The following VPS13B variants were observed in gnomAD, a reference collection of about 807,000 sequenced individuals.
VPS13B encodes the protein vacuolar protein sorting 13 homolog B.
A neutral mutation model predicts 426.4 loss-of-function variants in VPS13B; 285 were observed. The ratio of observed to expected loss-of-function variants is 0.67; its 90% CI spans 0.61 to 0.74. The LOEUF is 0.74. Among genes scored for constraint, VPS13B ranks in the 30% least tolerant of loss-of-function variants. VPS13B has a pLI of 0.00. For missense variants in VPS13B, 4,537 were observed against 4,782.6 expected (o/e 0.95, Z 1.51); for synonymous variants, 1,676 against 1,676.4 (o/e 1.00, Z 0.01).
At chr8:99,359,910 C>A (rs1812404242) in intron 19 of VPS13B, among the ~76,000 whole-genome samples, 1 of 152,160 alleles carries the variant, frequency 6.6e-6, no homozygotes, top group African/African-American at 2.4e-5. Flanking sequence ...TCAAATAGCT[C>A]TCCTGTCTCA....
At chr8:99,751,473 A>G (rs963745544) in intron 39 of VPS13B, among the ~76,000 whole-genome samples, 2 of 152,164 alleles carry the variant, frequency 1.3e-5, no homozygotes, top group African/African-American at 4.8e-5. Flanking sequence ...CACACTTCAA[A>G]TCACTTCTAG....
intron 39 of VPS13B, among the ~76,000 whole-genome samples, chr8:99,724,384 C>T (rs565273052): frequency 2.6e-5 from 4 of 152,250 alleles, no homozygotes; most frequent in Middle Eastern, 3.4e-3. Context: ...ATACTAGAGG[C>T]ACAGCTAAAA....
chr8:99,474,766 ACAT>A (rs1051937231), intron 24 of VPS13B, among the ~76,000 whole-genome samples: 6 of 152,168 alleles, frequency 3.9e-5, no homozygotes, highest in Non-Finnish European at 5.9e-5. Flanking sequence ...TGATGTAACA[ACAT>A]TGGAAACCCC....
intron 17 of VPS13B, among the ~76,000 whole-genome samples, chr8:99,269,775 C>A (rs1413895972): frequency 6.6e-6 from 1 of 152,198 alleles, no homozygotes; most frequent in East Asian, 1.9e-4. Context: ...TCCTTTCTGC[C>A]TTTCTATTGC....
chr8:99,575,861 T>A, intron 32 of VPS13B, 77 bp downstream of exon 32: 1 of 1,467,194 alleles, frequency 6.8e-7, no homozygotes, highest in Non-Finnish European at 9.4e-7. Context: ...ATTGCCACAG[T>A]TTCAGCCCAT....
At chr8:99,572,784 G>A (rs1283366228) in intron 31 of VPS13B, among the ~76,000 whole-genome samples, 2 of 152,084 alleles carry the variant, frequency 1.3e-5, no homozygotes, top group African/African-American at 2.4e-5. Context: ...TGTCTTTATA[G>A]CAGCATGATT....
chr8:99,787,145 A>G (rs58441146), intron 43 of VPS13B, among the ~76,000 whole-genome samples: 246 of 152,302 alleles, frequency 1.6e-3, no homozygotes, highest in African/African-American at 5.8e-3. Context: ...CACGGAACTT[A>G]ACTCCACTAA....
At chr8:99,629,535 C>G (rs1828752517) in intron 33 of VPS13B, among the ~76,000 whole-genome samples, 1 of 151,906 alleles carries the variant, frequency 6.6e-6, no homozygotes, top group East Asian at 1.9e-4. Flanking sequence ...TTATTGTGGG[C>G]TCATAAAGAG....
intron 19 of VPS13B, among the ~76,000 whole-genome samples, chr8:99,290,759 A>G (rs1819688313): frequency 6.6e-6 from 1 of 152,118 alleles, no homozygotes; most frequent in African/African-American, 2.4e-5. Flanking sequence ...TCTGACTTGG[A>G]AAAGGATTCC....
At chr8:99,069,107 A>G (rs546221420) in intron 3 of VPS13B, among the ~76,000 whole-genome samples, 46 of 152,284 alleles carry the variant, frequency 3.0e-4, no homozygotes, top group Admixed American at 2.1e-3. Context: ...AAAATTTGAT[A>G]ACATAATACC....
rs2133312921 is a variant in VPS13B at position 99,391,721 on chromosome 8, G to A, written c.3082+17G>A. 2 of 1,613,246 alleles carry A rather than the reference G, an allele frequency of 1.2e-6. No homozygotes were observed. The highest frequency in any genetic ancestry group is 1.7e-6 in the Non-Finnish European group (2 of 1,179,536). On this transcript the variant is annotated intron_variant, in intron 21 of 61. Transcript: ENST00000357162. ...CGGTAACAGGTATGTGTCAAGTACT[G>A]TAAAGGGACTATGATTGTACTCTAC...
At chr8:99,615,331 C>T (rs573350283) in intron 33 of VPS13B, among the ~76,000 whole-genome samples, 1 of 152,264 alleles carries the variant, frequency 6.6e-6, no homozygotes, top group South Asian at 2.1e-4. Context: ...GGCGCTACCA[C>T]TTACTGGCTT....
intron 17 of VPS13B, among the ~76,000 whole-genome samples, chr8:99,203,814 A>G (rs1208850299): frequency 6.6e-6 from 1 of 152,180 alleles, no homozygotes; most frequent in African/African-American, 2.4e-5. Flanking sequence ...GATGTGAAGG[A>G]CCTCTTCAAG....
intron 24 of VPS13B, among the ~76,000 whole-genome samples, chr8:99,473,169 C>A (rs974736381): frequency 1.3e-5 from 2 of 151,938 alleles, no homozygotes; most frequent in African/African-American, 2.4e-5. Context: ...GCTAGCATAA[C>A]TCTAATAACA....
intron 4 of VPS13B, 104 bp downstream of exon 4, chr8:99,096,536 AC>A: frequency 1.3e-6 from 2 of 1,509,442 alleles, no homozygotes; most frequent in Non-Finnish European, 1.8e-6. Context: ...CGGGTGGATT[AC>A]TTGAGGTCAG....
At chr8:99,240,078 C>A (rs1291940026) in intron 17 of VPS13B, among the ~76,000 whole-genome samples, 3 of 152,116 alleles carry the variant, frequency 2.0e-5, no homozygotes. Flanking sequence ...AACTCTTTGA[C>A]CTCAAAATTC....
chr8:99,777,046 A>T, intron 41 of VPS13B, 90 bp downstream of exon 41: 1 of 1,475,008 alleles, frequency 6.8e-7, no homozygotes. Context: ...ACAATCTTAG[A>T]TAATGTATTT....
At chr8:99,338,512 G>A (rs1415341819) in intron 19 of VPS13B, among the ~76,000 whole-genome samples, 1 of 151,976 alleles carries the variant, frequency 6.6e-6, no homozygotes, top group African/African-American at 2.4e-5. Flanking sequence ...AATAAGATGT[G>A]ACTTCTAAGA....
At chr8:99,696,285 C>T in intron 35 of VPS13B, 1 of 223,856 alleles carries the variant, frequency 4.5e-6, no homozygotes, top group Non-Finnish European at 9.1e-6. Context: ...CAAGTGTACA[C>T]CCCCACCCCA....
Sources: gnomAD v4.1 joint callset for allele counts (sites outside exome capture counted in the v4.1 genomes callset) on GRCh38, gnomAD v4.1.1 for gene constraint, MANE v1.5 for transcripts, NCBI Gene and HGNC (gene_info 2026-07-23, HGNC 2026-07-21) for gene names.